KCNQ1: variants seen among roughly 807,000 people sequenced by gnomAD.
KCNQ1 encodes potassium voltage-gated channel subfamily KQT member 1.
KCNQ1 carries 49 observed loss-of-function variants against 72.4 expected under a neutral mutation model. The observed-to-expected ratio is 0.68, with a 90% CI of 0.54 to 0.86. The LOEUF is 0.86. KCNQ1 is among the 40% of genes least tolerant of loss of function. The probability of loss-of-function intolerance (pLI) is 0.00; values close to 1 mark genes in which losing one functional copy is unlikely to be tolerated. For synonymous variants in KCNQ1, 450 were observed against 412.6 expected, an observed-to-expected ratio of 1.09 and a Z score of -1.10; for missense variants, 790 against 945.1, an observed-to-expected ratio of 0.84 and a Z score of 2.15.
At chr11:2,545,469 G>A (rs905059123) in intron 2 of KCNQ1, among the ~76,000 whole-genome samples, 3 of 152,150 alleles carry the variant, frequency 2.0e-5, no homozygotes, top group Non-Finnish European at 2.9e-5. Context: ...TTATTCAGGT[G>A]ATTGATAATA....
intron 15 of KCNQ1, among the ~76,000 whole-genome samples, chr11:2,800,384 GA>G (rs1236211841): frequency 2.0e-5 from 3 of 152,178 alleles, no homozygotes; most frequent in African/African-American, 7.2e-5. Flanking sequence ...GCTGAGCCCA[GA>G]CCCCTGGGCT....
Position 2,815,373 on chromosome 11 carries a change from G to A in KCNQ1, c.1795-32394G>A, listed in dbSNP as rs1277890774. 1.3e-5 allele frequency among the ~76,000 whole-genome samples: 2 copies of A among 152,084 alleles called. No homozygotes were observed. The highest frequency in any genetic ancestry group is 4.8e-5 in the African/African-American group (2 of 41,404). ...TGGGGGGCTTGTCAGGGAGCTCATG[G>A]GCACCTCTGGGTTCTAAGAAGCTAT... On this transcript the variant is annotated intron_variant, in intron 15 of 15. Transcript: ENST00000155840. This position sits in a 1 kb window ranked among gnomAD's most constrained non-coding sequence, Gnocchi z 5.4.
At chr11:2,572,712 C>A in intron 5 of KCNQ1, 134 bp from the exon 6 acceptor site, 3 of 1,153,128 alleles carry the variant, frequency 2.6e-6, no homozygotes, top group Non-Finnish European at 3.8e-6. Context: ...TTGAAGCCGG[C>A]CCTGTGCATG....
At position 2,833,232 on chromosome 11, in the gene KCNQ1, A is replaced by ACATAGCCC. The variant is rs371097271; in HGVS notation, c.1795-14533_1795-14526dup. On this transcript the variant is annotated intron_variant, in intron 15 of 15. Transcript: ENST00000155840. ...AGGGGCCCACGCGCCAGGGCAGAGGACATAGCCCCTTCTTGCTTCCCTGAG... is the reference window on the plus strand; with the variant it reads ...AGGGGCCCACGCGCCAGGGCAGAGGACATAGCCCCATAGCCCCTTCTTGCTTCCCTGAG... Among the ~76,000 whole-genome samples, 283 of 152,216 alleles carry ACATAGCCC rather than the reference A, an allele frequency of 1.9e-3. 1 individual carries two copies. Among genetic ancestry groups the ACATAGCCC allele is most frequent in the African/African-American group, 6.6e-3 (274 of 41,552 alleles).
At chr11:2,610,394 A>C in intron 10 of KCNQ1, 1 of 398,362 alleles carries the variant, frequency 2.5e-6, no homozygotes, top group Non-Finnish European at 4.4e-6. Flanking sequence ...AAGGAGAGCA[A>C]GTATATATTT....
rs1341326450 is a variant in KCNQ1, at chr11:2,564,832, A to G, written c.478-5796A>G. The stretch of plus-strand genomic sequence containing the variant: ...AGCGACCTCACGTGAGTGGAAGCAG[A>G]TAGTATTTGTCCTTGTGTAACTGGA... On this transcript the variant is annotated intron_variant, in intron 2 of 15. Transcript: ENST00000155840. The surrounding 1 kb of genome is among the most constrained non-coding windows in gnomAD (Gnocchi z 4.5). 6.6e-6 allele frequency among the ~76,000 whole-genome samples: 1 copy of G among 152,182 alleles called. No homozygotes were observed. The highest frequency in any genetic ancestry group is 1.5e-5 in the Non-Finnish European group (1 of 68,034).
At chr11:2,610,433 A>G (rs1057142858) in intron 10 of KCNQ1, 11 of 398,234 alleles carry the variant, frequency 2.8e-5, no homozygotes, top group African/African-American at 4.1e-5. Flanking sequence ...ACCTCCTTAT[A>G]TCATATATTT....
At chr11:2,649,310 T>C (rs1849721887) in intron 10 of KCNQ1, 1 of 398,396 alleles carries the variant, frequency 2.5e-6, no homozygotes, top group Admixed American at 4.4e-5. Flanking sequence ...TCTTTGCAAT[T>C]TTTTGGTTTT....
In KCNQ1 at chr11:2,664,459, G is replaced by A; in HGVS notation, c.1514+2378G>A. Reference sequence around the variant, plus strand: ...CCCAGGCTCCTCTGGGATACAGGCTGGGTAGAGGCCCCACTCCATCTGGGG... The same window carrying A: ...CCCAGGCTCCTCTGGGATACAGGCTAGGTAGAGGCCCCACTCCATCTGGGG... On this transcript the variant is annotated intron_variant, in intron 11 of 15. Coordinates refer to ENST00000155840, the MANE Select transcript of KCNQ1 (RefSeq NM_000218.3). The surrounding 1 kb of genome is among the most constrained non-coding windows in gnomAD (Gnocchi z 5.1). The A allele has an allele frequency of 2.5e-6, 1 of 398,746 alleles. No homozygotes were observed. The highest frequency in any genetic ancestry group is 4.4e-6 in the Non-Finnish European group (1 of 226,176). The allele number at this position is 398,746 out of a possible 1,614,324, so 24.7% of individuals were successfully genotyped here.
At chr11:2,542,580 C>G (rs1429812590) in intron 2 of KCNQ1, among the ~76,000 whole-genome samples, 1 of 152,230 alleles carries the variant, frequency 6.6e-6, no homozygotes, top group Non-Finnish European at 1.5e-5. Context: ...TCCGTCACCC[C>G]CAGAAGGCTT....
intron 10 of KCNQ1, chr11:2,660,337 T>C: frequency 2.5e-6 from 1 of 398,500 alleles, no homozygotes; most frequent in Non-Finnish European, 4.4e-6. Context: ...ATAGTGAAAT[T>C]AGGAATAAAT....
chr11:2,832,620 A>G (rs538524681), intron 15 of KCNQ1, among the ~76,000 whole-genome samples: 1 of 152,330 alleles, frequency 6.6e-6, no homozygotes, highest in East Asian at 1.9e-4. Flanking sequence ...GGGAGACCAC[A>G]GTTGCAGCAG....
rs956876973 is a variant in KCNQ1 at position 2,785,030 on chromosome 11, T to A, written c.1794+6993T>A. 2.6e-5 allele frequency among the ~76,000 whole-genome samples: 4 copies of A among 152,038 alleles called. No homozygotes were observed. The highest frequency in any genetic ancestry group is 4.4e-5 in the Non-Finnish European group (3 of 67,854). ...CCTTTAATTTCTTTGTTTTGCCTAA[T>A]TGCACTGGCTTGAACTTCAAAAAAA... is the stretch of plus-strand genomic sequence containing the variant. On this transcript the variant is annotated intron_variant, in intron 15 of 15. Transcript: ENST00000155840. This position sits in a 1 kb window ranked among gnomAD's most constrained non-coding sequence, Gnocchi z 4.4.
chr11:2,576,919 G>C (rs145786404), intron 6 of KCNQ1, among the ~76,000 whole-genome samples: 5 of 152,330 alleles, frequency 3.3e-5, no homozygotes, highest in African/African-American at 9.6e-5. Flanking sequence ...AAAGGGGAAC[G>C]AGTTCAGCTG....
rs531612400 is a variant in KCNQ1, at chr11:2,537,327, A to G, written c.477+9309A>G. On this transcript the variant is annotated intron_variant, in intron 2 of 15. Transcript: ENST00000155840. The surrounding 1 kb of genome is among the most constrained non-coding windows in gnomAD (Gnocchi z 5.2). The stretch of plus-strand genomic sequence containing the variant: ...CAGGGCCTAAGATTTCTACTACCTG[A>G]CCTTCCAGGAAAGGTTTGCCACGCT... Among the ~76,000 whole-genome samples the G allele has an allele frequency of 2.6e-5, 4 of 152,160 alleles. No individual in the cohort carries two copies. Among genetic ancestry groups the G allele is most frequent in the African/African-American group, 9.7e-5 (4 of 41,434 alleles).
In KCNQ1 at chr11:2,447,256, C is replaced by T. The variant is rs187117456; in HGVS notation, c.386+1772C>T. Among the ~76,000 whole-genome samples, 21 of 152,280 alleles carry T rather than the reference C, an allele frequency of 1.4e-4. No individual in the cohort carries two copies. Among genetic ancestry groups the T allele is most frequent in the South Asian group, 4.1e-4 (2 of 4,822 alleles). ...CAAGAGTCTACCTTCGCCCAGCCTCCGCAGAGCTGGCAAGGCAGGGGTGGC... is the reference window on the plus strand; with the variant it reads ...CAAGAGTCTACCTTCGCCCAGCCTCTGCAGAGCTGGCAAGGCAGGGGTGGC... On this transcript the variant is annotated intron_variant, in intron 1 of 15. Transcript: ENST00000155840. The surrounding 1 kb of genome is among the most constrained non-coding windows in gnomAD (Gnocchi z 7.6).
intron 15 of KCNQ1, among the ~76,000 whole-genome samples, chr11:2,825,771 G>T (rs1043988701): frequency 6.6e-6 from 1 of 152,164 alleles, no homozygotes; most frequent in Non-Finnish European, 1.5e-5. Context: ...ATGAGTCTCC[G>T]GGTACTTTGC....
intron 11 of KCNQ1, among the ~76,000 whole-genome samples, chr11:2,702,668 C>T (rs186941020): frequency 1.4e-3 from 208 of 152,328 alleles, no homozygotes; most frequent in African/African-American, 4.9e-3. Context: ...CCTCAGACCC[C>T]AAGCTCCTGG....
chr11:2,805,191 G>C (rs531055696), intron 15 of KCNQ1, among the ~76,000 whole-genome samples: 1 of 152,178 alleles, frequency 6.6e-6, no homozygotes, highest in Admixed American at 6.5e-5. Context: ...TCTAGAAGAC[G>C]CAGGGGTGGT....
Sources: allele counts gnomAD v4.1 joint callset (sites outside exome capture counted in the v4.1 genomes callset), GRCh38; gene constraint gnomAD v4.1.1; non-coding constraint Gnocchi (gnomAD v3.1); transcripts MANE v1.5; gene names NCBI Gene and HGNC (gene_info 2026-07-23, HGNC 2026-07-21).